IL17RD: variants seen among roughly 807,000 people sequenced by gnomAD.
The protein encoded by IL17RD is interleukin-17 receptor D.
A neutral mutation model predicts 80.5 loss-of-function variants in IL17RD; 52 were observed. That is an observed-to-expected ratio of 0.65 (90% CI 0.52 to 0.81). IL17RD has a LOEUF of 0.81. IL17RD is among the 40% of genes least tolerant of loss of function. The pLI, the probability that IL17RD is intolerant of heterozygous loss-of-function variation, is 0.00. For synonymous variants in IL17RD, 416 were observed against 391.8 expected, an observed-to-expected ratio of 1.06 and a Z score of -0.73; for missense variants, 1,024 against 955.1, an observed-to-expected ratio of 1.07 and a Z score of -0.95.
At position 57,090,564 on chromosome 3, in the gene IL17RD, C is replaced by T. The variant is rs183668688; in HGVS notation, c.*5829G>A. On this transcript the variant is annotated 3_prime_UTR_variant, in exon 13 of 13. Transcript: ENST00000296318. ...GGGATTACAGGCACACACAACCACGCCTGATTAATTTTGTATTTTTAGTAG... is the reference window on the plus strand; with the variant it reads ...GGGATTACAGGCACACACAACCACGTCTGATTAATTTTGTATTTTTAGTAG... 1 of 152,220 alleles carries T rather than the reference C, an allele frequency of 6.6e-6. No homozygotes were observed. The highest frequency in any genetic ancestry group is 1.9e-4 in the East Asian group (1 of 5,194). 9.4% of individuals were successfully genotyped at this position (152,220 alleles called of 1,614,324 possible).
chr3:57,103,829 T>C (rs546497406), intron 8 of IL17RD, among the ~76,000 whole-genome samples: 205 of 152,228 alleles, frequency 1.3e-3, no homozygotes, highest in Non-Finnish European at 2.1e-3. Context: ...CTCAGCCTCC[T>C]GAGTAGCTGG....
At chr3:57,127,309 TATATAAAA>T (rs1559477051) in intron 1 of IL17RD, among the ~76,000 whole-genome samples, 3,119 of 98,970 alleles carry the variant, frequency 0.032, 509 homozygotes, top group African/African-American at 0.15. Flanking sequence ...TATATAAAAA[TATATAAAA>T]ATATATATAA....
chr3:57,153,379 T>C lies in IL17RD; in HGVS notation c.126+11782A>G, dbSNP rs1269534464. Among the ~76,000 whole-genome samples the C allele has an allele frequency of 2.0e-5, 3 of 152,342 alleles. No homozygotes were observed. In the East Asian group the frequency reaches 5.8e-4, roughly 29 times the overall value. On this transcript the variant is annotated intron_variant, in intron 1 of 12. Transcript: ENST00000296318. ...CTTTAGAGGGGTCTTGTCAAAATAT[T>C]TGAACCTATTCATGAGGAAACAATC...
At position 57,091,270 on chromosome 3, in the gene IL17RD, G is replaced by A. The variant is rs905384078; in HGVS notation, c.*5123C>T. ...AGAGCTGGTCTCAGAGTATACATCA[G>A]GAATAAGCACCAAGTGTTTGATCTC... On this transcript the variant is annotated 3_prime_UTR_variant, in exon 13 of 13. Transcript: ENST00000296318. The A allele has an allele frequency of 1.3e-5, 2 of 152,546 alleles. No homozygotes were observed. The highest frequency in any genetic ancestry group is 6.6e-5 in the Admixed American group (1 of 15,258). 9.4% of individuals were successfully genotyped at this position (152,546 alleles called of 1,614,324 possible).
At chr3:57,138,424 T>C (rs1275021878) in intron 1 of IL17RD, among the ~76,000 whole-genome samples, 2 of 151,996 alleles carry the variant, frequency 1.3e-5, no homozygotes, top group Non-Finnish European at 2.9e-5. Context: ...TGGAGCGAGG[T>C]AGACCAGATA....
rs1408395338 is a variant in IL17RD, at chr3:57,103,009, T to C, written c.868+82A>G. The stretch of plus-strand genomic sequence containing the variant: ...GAGGAGCCAAATTTTGTTTTGTTTC[T>C]GTAAATCATGAAGTACAGAGAGTAT... On this transcript the variant is annotated intron_variant, in intron 9 of 12. Transcript: ENST00000296318. 29 of 998,674 alleles carry C rather than the reference T, an allele frequency of 2.9e-5. No homozygotes were observed. In the Middle Eastern group the frequency reaches 6.3e-4, roughly 22 times the overall value. 61.9% of individuals were successfully genotyped at this position (998,674 alleles called of 1,614,324 possible). A position where few individuals can be genotyped will look rare whatever the true frequency, so the allele number is the denominator to read the frequency against.
chr3:57,163,525 C>G (rs1232006570), intron 1 of IL17RD, among the ~76,000 whole-genome samples: 1 of 152,044 alleles, frequency 6.6e-6, no homozygotes. Flanking sequence ...GTGAATCGGA[C>G]TGATTTACCT....
At chr3:57,124,092 T>C (rs1163803764) in intron 1 of IL17RD, among the ~76,000 whole-genome samples, 1 of 152,160 alleles carries the variant, frequency 6.6e-6, no homozygotes, top group African/African-American at 2.4e-5. Context: ...ATTCCTCAAG[T>C]GCACAGCTTC....
chr3:57,097,651 C>A lies in IL17RD; in HGVS notation c.2052G>T (p.Thr684=). 1 of 1,599,214 alleles carries A rather than the reference C, an allele frequency of 6.3e-7. No homozygotes were observed. The highest frequency in any genetic ancestry group is 8.5e-7 in the Non-Finnish European group (1 of 1,173,390). ...LSLPLMEGLS[T]DQTETSSLTE... ...TCAGGGAAGACGTTTCTGTCTGGTC[C>A]GTCGAGAGTCCTTCCATCAGTGGCA... Residue 684 remains threonine (T), a synonymous_variant, in exon 12 of 13, where the codon ACG becomes ACT. Coordinates refer to ENST00000296318, the MANE Select transcript of IL17RD (RefSeq NM_017563.5).
At chr3:57,153,822 A>G (rs1028881521) in intron 1 of IL17RD, among the ~76,000 whole-genome samples, 2 of 152,274 alleles carry the variant, frequency 1.3e-5, no homozygotes, top group East Asian at 3.9e-4. Flanking sequence ...CATTTTACAC[A>G]CTATATACAT....
At chr3:57,107,213 C>T (rs186147199) in intron 5 of IL17RD, among the ~76,000 whole-genome samples, 1 of 151,950 alleles carries the variant, frequency 6.6e-6, no homozygotes, top group Non-Finnish European at 1.5e-5. Flanking sequence ...CCCGTTTCTA[C>T]TAAAAATACA....
Position 57,165,266 on chromosome 3 carries a change from G to C in IL17RD, c.21C>G (p.Leu7=), listed in dbSNP as rs1036861731. 112 of 1,513,106 alleles carry C rather than the reference G, an allele frequency of 7.4e-5. No homozygotes were observed. The highest frequency in any genetic ancestry group is 3.5e-4 in the Middle Eastern group (2 of 5,726). The allele number at this position is 1,513,106 out of a possible 1,614,324, so 93.7% of individuals were successfully genotyped here. A position where few individuals can be genotyped will look rare whatever the true frequency, so the allele number is the denominator to read the frequency against. MAPWLQ[L]CSVFFTVNAC... is the part of the protein sequence containing the mutation. ...CGTTGACCGTAAAGAAGACGGAGCA[G>C]AGCTGCAGCCACGGGGCCATGGCCG... The change falls in exon 1 of 13, where the codon CTC becomes CTG. Residue 7 remains leucine, a synonymous_variant. Transcript: ENST00000296318.
At chr3:57,148,294 C>A (rs9884047) in intron 1 of IL17RD, among the ~76,000 whole-genome samples, 14,085 of 147,512 alleles carry the variant, frequency 0.095, 2,246 homozygotes, top group African/African-American at 0.33. Flanking sequence ...CACTGCACTC[C>A]AGCCTGGGCA....
intron 3 of IL17RD, among the ~76,000 whole-genome samples, chr3:57,113,661 T>A (rs1707146863): frequency 6.6e-6 from 1 of 152,106 alleles, no homozygotes; most frequent in Admixed American, 6.6e-5. Flanking sequence ...GCCTCGGCCG[T>A]CCAAGTAGCT....
At chr3:57,113,730 G>A (rs1323201970) in intron 3 of IL17RD, among the ~76,000 whole-genome samples, 1 of 151,626 alleles carries the variant, frequency 6.6e-6, no homozygotes, top group African/African-American at 2.4e-5. Context: ...TGTAGAAATG[G>A]GGGGGTCTCA....
In IL17RD at chr3:57,104,373, T is replaced by G; in HGVS notation, c.782A>C (p.Gln261Pro). Residue 261 changes from glutamine (Q) to proline (P), a missense_variant, in exon 8 of 13, where the codon CAA (glutamine) becomes CCA (proline). By Grantham distance (76) the Gln-to-Pro change is moderately conservative. Coordinates refer to ENST00000296318, the MANE Select transcript of IL17RD (RefSeq NM_017563.5). ...QTTETTSCLLQNVSPGDYIIE... is the reference protein window; with the variant it reads ...QTTETTSCLLPNVSPGDYIIE... ...TATATAATCCCCTGGAGAAACATTT[T>G]GAAGGAGGCAGCTGGTCGTCTCTGT... 6.2e-7 allele frequency: 1 copy of G among 1,610,404 alleles called. No homozygotes were observed. Among genetic ancestry groups the G allele is most frequent in the Non-Finnish European group, 8.5e-7 (1 of 1,177,314 alleles).
intron 1 of IL17RD, among the ~76,000 whole-genome samples, chr3:57,144,703 G>A (rs959565740): frequency 9.1e-5 from 12 of 131,740 alleles, no homozygotes; most frequent in African/African-American, 3.6e-4. Flanking sequence ...GTCAACCAGG[G>A]CAGGTGGACA....
At chr3:57,164,998 G>T in intron 1 of IL17RD, 163 bp downstream of exon 1, 1 of 1,337,272 alleles carries the variant, frequency 7.5e-7, no homozygotes, top group East Asian at 3.2e-5. Flanking sequence ...ACGCGTCCGG[G>T]GAGGGAAACC....
chr3:57,169,507 T>C (rs1351800137), upstream of IL17RD: 1 of 211,696 alleles, frequency 4.7e-6, no homozygotes, highest in Non-Finnish European at 9.6e-6. Flanking sequence ...AACGCAAGGA[T>C]TGGATTTTGT....
Sources: allele counts gnomAD v4.1 joint callset (sites outside exome capture counted in the v4.1 genomes callset), GRCh38; gene constraint gnomAD v4.1.1; transcripts MANE v1.5; gene names NCBI Gene and HGNC (gene_info 2026-07-23, HGNC 2026-07-21).